Variants in FRRS1 observed in about 807,000 individuals in gnomAD.
FRRS1 encodes ferric chelate reductase 1.
Under a neutral mutation model 70.7 loss-of-function variants are expected in FRRS1, and 51 were observed. The observed-to-expected ratio is 0.72, with a 90% CI of 0.58 to 0.91. FRRS1 has a LOEUF of 0.91. FRRS1 is among the 40% of genes least tolerant of loss of function. The pLI is 0.00. For synonymous variants in FRRS1, 225 were observed against 238.7 expected, an observed-to-expected ratio of 0.94 and a Z score of 0.53; for missense variants, 672 against 726.0, an observed-to-expected ratio of 0.93 and a Z score of 0.86.
At chr1:99,737,269 G>A (rs1655721038) in intron 7 of FRRS1, among the ~76,000 whole-genome samples, 4 of 105,872 alleles carry the variant, frequency 3.8e-5, no homozygotes, top group African/African-American at 2.7e-4. Context: ...AGTGAGAATC[G>A]GCTTAAAATA....
At chr1:99,757,950 G>GA (rs72040433) in intron 1 of FRRS1, among the ~76,000 whole-genome samples, 57 of 76,868 alleles carry the variant, frequency 7.4e-4, no homozygotes, top group South Asian at 6.7e-3. Context: ...TGCCTGGGAG[G>GA]AAAAAAAAAA....
rs1288444630 is a variant in FRRS1 at position 99,704,149 on chromosome 1, A to T, written c.*4879T>A. 6.6e-6 allele frequency among the ~76,000 whole-genome samples: 1 copy of T among 152,224 alleles called. No homozygotes were observed. Among genetic ancestry groups the T allele is most frequent in the Non-Finnish European group, 1.5e-5 (1 of 68,032 alleles). On this transcript the variant is annotated 3_prime_UTR_variant, in exon 17 of 17. Coordinates refer to ENST00000646001, the MANE Select transcript of FRRS1 (RefSeq NM_001361041.2). ...CCTTTTGCTGGCATCACTTCATTGGATCCTCACAGCTGCTCTGTGAGATGG... is the reference window on the plus strand; with the variant it reads ...CCTTTTGCTGGCATCACTTCATTGGTTCCTCACAGCTGCTCTGTGAGATGG...
chr1:99,747,212 T>G (rs571773428), intron 4 of FRRS1, 82 bp downstream of exon 4: 1 of 1,117,240 alleles, frequency 9.0e-7, no homozygotes, highest in African/African-American at 1.6e-5. Flanking sequence ...TCAAAAGTTA[T>G]ACACAGATTT....
intron 1 of FRRS1, among the ~76,000 whole-genome samples, chr1:99,758,248 C>T (rs899176313): frequency 6.6e-6 from 1 of 152,196 alleles, no homozygotes; most frequent in South Asian, 2.1e-4. Context: ...AATGCAGTTG[C>T]TTGCATGACT....
chr1:99,745,961 T>C (rs1313681662), intron 4 of FRRS1, among the ~76,000 whole-genome samples: 2 of 151,234 alleles, frequency 1.3e-5, no homozygotes, highest in African/African-American at 4.9e-5. Context: ...CTGCCATGAG[T>C]AAAAGGCCAT....
intron 11 of FRRS1, 116 bp downstream of exon 11, chr1:99,717,294 C>A: frequency 2.7e-6 from 2 of 729,850 alleles, no homozygotes. Flanking sequence ...AAGGAGGATC[C>A]CAAACCTACA....
chr1:99,746,491 T>G (rs963204331), intron 4 of FRRS1, among the ~76,000 whole-genome samples: 4 of 152,152 alleles, frequency 2.6e-5, no homozygotes, highest in Non-Finnish European at 5.9e-5. Flanking sequence ...TAAAAGAGAC[T>G]GTGAATATGG....
Position 99,728,581 on chromosome 1 carries a change from T to C in FRRS1, c.918A>G (p.Arg306=), listed in dbSNP as rs753879942. 3 of 1,613,942 alleles carry C rather than the reference T, an allele frequency of 1.9e-6. No homozygotes were observed. Among genetic ancestry groups the C allele is most frequent in the Non-Finnish European group, 1.7e-6 (2 of 1,179,824 alleles). ...LADGVMQCSF[R]RNITLPGVKN... ...TAACTCCAGGAAGGGTAATGTTTCTTCTGAAAGAACACTGCATAACACCGT... is the reference window on the plus strand; with the variant it reads ...TAACTCCAGGAAGGGTAATGTTTCTCCTGAAAGAACACTGCATAACACCGT... The change falls in exon 9 of 17, where the codon AGA becomes AGG. Residue 306 remains arginine (R), a synonymous_variant. Coordinates refer to ENST00000646001, the MANE Select transcript of FRRS1 (RefSeq NM_001361041.2).
intron 9 of FRRS1, among the ~76,000 whole-genome samples, chr1:99,725,277 G>A (rs377107866): frequency 2.6e-5 from 4 of 152,272 alleles, no homozygotes; most frequent in South Asian, 4.1e-4. Context: ...ATGGCCCGTC[G>A]GTTGGGGATC....
chr1:99,710,171 C>G (rs1012838355), intron 15 of FRRS1, among the ~76,000 whole-genome samples: 1 of 152,182 alleles, frequency 6.6e-6, no homozygotes, highest in Non-Finnish European at 1.5e-5. Flanking sequence ...GCCACCTTCA[C>G]TTATTTTGGT....
At chr1:99,724,000 G>T (rs1654959644) in intron 9 of FRRS1, among the ~76,000 whole-genome samples, 1 of 152,084 alleles carries the variant, frequency 6.6e-6, no homozygotes. Flanking sequence ...TGACAAGAAA[G>T]GCACTGGGAA....
In FRRS1 at chr1:99,708,977, G is replaced by C. The variant is rs767028812; in HGVS notation, c.*51C>G. 1.3e-5 allele frequency: 21 copies of C among 1,613,694 alleles called. No homozygotes were observed. The highest frequency in any genetic ancestry group is 1.6e-5 in the Non-Finnish European group (19 of 1,179,938). On this transcript the variant is annotated 3_prime_UTR_variant, in exon 17 of 17. Coordinates refer to ENST00000646001, the MANE Select transcript of FRRS1 (RefSeq NM_001361041.2). ...GTCAGGACAGGCTTCAAGTTTCTTT[G>C]GTTTGATGATAATTATCACTTGGCC...
intron 10 of FRRS1, among the ~76,000 whole-genome samples, chr1:99,718,526 G>A (rs1319782214): frequency 3.3e-5 from 5 of 152,084 alleles, no homozygotes; most frequent in African/African-American, 9.6e-5. Flanking sequence ...ACAGGGTTTC[G>A]CCATGTTGGC....
At chr1:99,735,006 C>T (rs1361593531) in intron 7 of FRRS1, among the ~76,000 whole-genome samples, 1 of 152,130 alleles carries the variant, frequency 6.6e-6, no homozygotes, top group African/African-American at 2.4e-5. Context: ...ACTTGATAGA[C>T]TTTACATTAT....
At position 99,738,286 on chromosome 1, in the gene FRRS1, G is replaced by GAA; in HGVS notation, c.577-20_577-19dup. 2 of 1,524,768 alleles carry GAA rather than the reference G, an allele frequency of 1.3e-6. No individual in the cohort carries two copies. The highest frequency in any genetic ancestry group is 1.8e-6 in the Non-Finnish European group (2 of 1,135,100). 94.5% of individuals were successfully genotyped at this position (1,524,768 alleles called of 1,614,324 possible). A position where few individuals can be genotyped will look rare whatever the true frequency, so the allele number is the denominator to read the frequency against. On this transcript the variant is annotated intron_variant, in intron 6 of 16. Coordinates refer to ENST00000646001, the MANE Select transcript of FRRS1 (RefSeq NM_001361041.2). The stretch of plus-strand genomic sequence containing the variant: ...GCACTGAACTAGAAAAATGACAGAG[G>GAA]AAAAAAAAATCTTAATTATCAAACA...
intron 12 of FRRS1, 49 bp from the exon 13 acceptor site, chr1:99,712,564 T>A: frequency 9.6e-7 from 1 of 1,043,696 alleles, no homozygotes; most frequent in Non-Finnish European, 1.4e-6. Flanking sequence ...CTCATCAATT[T>A]AAATCCTCAA....
chr1:99,733,189 G>T (rs891285772), intron 7 of FRRS1, among the ~76,000 whole-genome samples: 17 of 152,096 alleles, frequency 1.1e-4, no homozygotes, highest in African/African-American at 3.9e-4. Context: ...AATTCCAATG[G>T]CTGTGTGAAG....
At chr1:99,747,504 C>T in intron 3 of FRRS1, 74 bp from the exon 4 acceptor site, 1 of 1,387,700 alleles carries the variant, frequency 7.2e-7, no homozygotes, top group Middle Eastern at 2.0e-4. Flanking sequence ...TTGTACATTA[C>T]AATTACAATG....
chr1:99,713,055 C>T (rs1359143183), intron 12 of FRRS1, among the ~76,000 whole-genome samples: 1 of 128,508 alleles, frequency 7.8e-6, no homozygotes, highest in Non-Finnish European at 1.6e-5. Context: ...ATAAAGGGTT[C>T]TATCTAATAA....
Sources: gnomAD v4.1 joint callset for allele counts (sites outside exome capture counted in the v4.1 genomes callset) on GRCh38, gnomAD v4.1.1 for gene constraint, MANE v1.5 for transcripts, NCBI Gene and HGNC (gene_info 2026-07-23, HGNC 2026-07-21) for gene names.